VWA3A: variants seen among roughly 807,000 people sequenced by gnomAD.
VWA3A encodes the protein von Willebrand factor A domain containing 3A.
VWA3A carries 134 observed loss-of-function variants against 160.4 expected under a neutral mutation model. The ratio of observed to expected loss-of-function variants is 0.84; its 90% CI spans 0.73 to 0.96. The LOEUF is 0.96. Ranked by LOEUF, VWA3A falls within the 40% of genes least tolerant of loss-of-function variation. VWA3A has a pLI of 0.00. For missense variants in VWA3A, 1,310 were observed against 1,447.9 expected (o/e 0.90, Z 1.55); for synonymous variants, 476 against 543.4 (o/e 0.88, Z 1.72).
Position 22,115,328 on chromosome 16 carries a change from T to A in VWA3A, c.690-19T>A. The A allele has an allele frequency of 6.4e-7, 1 of 1,572,712 alleles. No individual in the cohort carries two copies. On this transcript the variant is annotated intron_variant, in intron 8 of 33. Transcript: ENST00000389398. The stretch of plus-strand genomic sequence containing the variant: ...ACAAACAGTCTTATAATTAGGTTGC[T>A]GTTGTTGTCTCCTCCCAGCCTCCAG...
intron 9 of VWA3A, chr16:22,116,217 AGAAG>A (rs933685605): frequency 1.6e-5 from 6 of 371,546 alleles, no homozygotes; most frequent in African/African-American, 1.1e-4. Flanking sequence ...AAGAAGGAAG[AGAAG>A]GAAGGAAAGA....
chr16:22,132,841 A>G, intron 19 of VWA3A, 59 bp from the exon 20 acceptor site: 1 of 1,547,150 alleles, frequency 6.5e-7, no homozygotes, highest in Non-Finnish European at 8.8e-7. Context: ...GGCTGCCCAG[A>G]GCCCCACAGC....
intron 17 of VWA3A, among the ~76,000 whole-genome samples, chr16:22,127,678 C>T (rs2045874950): frequency 6.6e-6 from 1 of 152,034 alleles, no homozygotes. Context: ...TATTTATTTA[C>T]CCATTCATTC....
chr16:22,131,767 C>T (rs1382291101), intron 19 of VWA3A, 38 bp downstream of exon 19: 8 of 1,584,190 alleles, frequency 5.0e-6, no homozygotes, highest in African/African-American at 1.3e-5. Context: ...TTATCCTTTG[C>T]GACCTCATCC....
At position 22,148,185 on chromosome 16, in the gene VWA3A, G is replaced by T. The variant is rs200655453; in HGVS notation, c.2863G>T (p.Val955Phe). ...AGGGAGCCGCCGACTGTTTGGCACC[G>T]TTTTGGAGAGCAAAGTATGCATATT... ...LSGSRRLFGT[V>F]LESKVCILLD... is the part of the protein sequence containing the mutation. The change falls in exon 28 of 34, where the codon GTT becomes TTT. Residue 955 changes from valine (V) to phenylalanine (F), a missense_variant. Val to Phe is a conservative substitution (Grantham distance 50). Transcript: ENST00000389398. 8.7e-4 allele frequency: 1,394 copies of T among 1,603,328 alleles called. 17 individuals are homozygous for T. The South Asian group carries it at 0.015, about 17-fold the overall frequency.
chr16:22,131,056 C>A (rs2045937753), intron 17 of VWA3A, 149 bp from the exon 18 acceptor site: 3 of 704,624 alleles, frequency 4.3e-6, no homozygotes, highest in Non-Finnish European at 7.4e-6. Context: ...ACAAGGAAAT[C>A]TCATGGCTGG....
At position 22,132,899 on chromosome 16, in the gene VWA3A, G is replaced by A; in HGVS notation, c.1873-1G>A. 6.2e-7 allele frequency: 1 copy of A among 1,612,250 alleles called. No homozygotes were observed. Among genetic ancestry groups the A allele is most frequent in the Non-Finnish European group, 8.5e-7 (1 of 1,179,608 alleles). ...CCCTCCTACCTTCTCTTCCCCACCA[G>A]CCTACACTCAGTGCCTACATGGCTG... is the stretch of plus-strand genomic sequence containing the variant. On this transcript the variant is annotated splice_acceptor_variant, in intron 19 of 33. Coordinates refer to ENST00000389398, the MANE Select transcript of VWA3A (RefSeq NM_173615.5). LOFTEE classifies it high-confidence loss of function.
At chr16:22,097,761 T>C (rs1256208845) in intron 3 of VWA3A, 66 bp downstream of exon 3, 4 of 1,530,814 alleles carry the variant, frequency 2.6e-6, no homozygotes, top group East Asian at 2.5e-5. Flanking sequence ...CACAGTGTGT[T>C]AAATTCTGGG....
Position 22,150,850 on chromosome 16 carries a change from C to G in VWA3A, c.3281+4C>G. ...TTTCCTTGAACTGCTCAGACAGGTG[C>G]GCAATATGGAGTCTGACTGAGTTTT... On this transcript the variant is annotated splice_donor_region_variant and intron_variant, in intron 30 of 33. Transcript: ENST00000389398. 3 of 1,611,036 alleles carry G rather than the reference C, an allele frequency of 1.9e-6. No individual in the cohort carries two copies. Among genetic ancestry groups the G allele is most frequent in the Non-Finnish European group, 2.5e-6 (3 of 1,178,694 alleles).
chr16:22,140,459 G>A (rs1202135945), intron 23 of VWA3A, among the ~76,000 whole-genome samples: 1 of 152,082 alleles, frequency 6.6e-6, no homozygotes, highest in Non-Finnish European at 1.5e-5. Context: ...CAAAAAAGGA[G>A]CCAGATGTGG....
chr16:22,141,095 AG>A (rs1030766231), intron 23 of VWA3A: 7 of 430,808 alleles, frequency 1.6e-5, no homozygotes, highest in African/African-American at 1.4e-4. Context: ...ACTGAGGCTC[AG>A]GGGGGTAAGG....
rs181709005 is a variant in VWA3A, at chr16:22,133,233, G to C, written c.2068+138G>C. 34 of 997,396 alleles carry C rather than the reference G, an allele frequency of 3.4e-5. No homozygotes were observed. The East Asian group carries it at 9.0e-4, about 26-fold the overall frequency. 61.8% of individuals were successfully genotyped at this position (997,396 alleles called of 1,614,324 possible). On this transcript the variant is annotated intron_variant, in intron 20 of 33. Coordinates refer to ENST00000389398, the MANE Select transcript of VWA3A (RefSeq NM_173615.5). ...TTTTAAAATGTAAAACTGTTCCTCTGAAGATAGATAGCAGTGATGGTTGAA... is the reference window on the plus strand; with the variant it reads ...TTTTAAAATGTAAAACTGTTCCTCTCAAGATAGATAGCAGTGATGGTTGAA...
Position 22,156,070 on chromosome 16 carries a change from T to C in VWA3A, c.*53T>C. 1 of 799,232 alleles carries C rather than the reference T, an allele frequency of 1.3e-6. No homozygotes were observed. The allele number at this position is 799,232 out of a possible 1,614,324, so 49.5% of individuals were successfully genotyped here. On this transcript the variant is annotated 3_prime_UTR_variant, in exon 34 of 34. Transcript: ENST00000389398. ...CAAAGGACCACTCACTGAGCAAATC[T>C]CAGCCCCGAGGGCAGGATGGGATGA... is the stretch of plus-strand genomic sequence containing the variant.
At chr16:22,098,911 C>CAAAAAA (rs900328333) in intron 3 of VWA3A, among the ~76,000 whole-genome samples, 5 of 41,054 alleles carry the variant, frequency 1.2e-4, no homozygotes, top group East Asian at 7.1e-4. Context: ...CCTGTTTCCA[C>CAAAAAA]AAAAAAAAAA....
chr16:22,152,393 A>G (rs2046364763), intron 30 of VWA3A, 118 bp from the exon 31 acceptor site: 2 of 1,362,852 alleles, frequency 1.5e-6, no homozygotes, highest in Non-Finnish European at 2.0e-6. Context: ...GCCACGGCCC[A>G]TTGCCAGGCT....
intron 7 of VWA3A, among the ~76,000 whole-genome samples, chr16:22,110,157 TG>T (rs2045532945): frequency 1.3e-5 from 2 of 152,060 alleles, no homozygotes; most frequent in South Asian, 4.1e-4. Flanking sequence ...CTCTGTAAAA[TG>T]GGGATGATAA....
chr16:22,141,489 A>G (rs2046148210), intron 23 of VWA3A, 93 bp from the exon 24 acceptor site: 2 of 1,165,072 alleles, frequency 1.7e-6, no homozygotes, highest in East Asian at 2.6e-5. Flanking sequence ...GGGGTGGAGT[A>G]TAGCTGAACT....
intron 31 of VWA3A, among the ~76,000 whole-genome samples, chr16:22,155,332 G>A (rs1002590343): frequency 5.9e-5 from 9 of 151,848 alleles, no homozygotes; most frequent in Admixed American, 3.3e-4. Context: ...CTTTGCCACC[G>A]TCCCCTCCCT....
In VWA3A at chr16:22,115,254, T is replaced by A. The variant is rs2045613036; in HGVS notation, c.690-93T>A. The A allele has an allele frequency of 2.9e-6, 4 of 1,386,648 alleles. No individual in the cohort carries two copies. In the African/African-American group the frequency reaches 5.9e-5, roughly 20 times the overall value. The allele number at this position is 1,386,648 out of a possible 1,614,324, so 85.9% of individuals were successfully genotyped here. A position where few individuals can be genotyped will look rare whatever the true frequency, so the allele number is the denominator to read the frequency against. On this transcript the variant is annotated intron_variant, in intron 8 of 33. Coordinates refer to ENST00000389398, the MANE Select transcript of VWA3A (RefSeq NM_173615.5). ...TTGCACCACTGCACTTCAGCCTGGG[T>A]AACACAGCAAGCCCTTATCTCTAAA...
Sources: allele counts gnomAD v4.1 joint callset (sites outside exome capture counted in the v4.1 genomes callset), GRCh38; gene constraint gnomAD v4.1.1; transcripts MANE v1.5; gene names NCBI Gene and HGNC (gene_info 2026-07-23, HGNC 2026-07-21).